The following CDH9 variants were observed in gnomAD, a reference collection of about 807,000 sequenced individuals.
CDH9 encodes cadherin-9.
Under a neutral mutation model 70.9 loss-of-function variants are expected in CDH9, and 28 were observed. That is an observed-to-expected ratio of 0.40 (90% confidence interval 0.29 to 0.54). CDH9 has a LOEUF of 0.54. Among genes scored for constraint, CDH9 ranks in the 20% least tolerant of loss-of-function variants. The pLI is 0.59. For missense variants in CDH9, 874 were observed against 984.4 expected (o/e 0.89, Z 1.50); for synonymous variants, 409 against 343.1 (o/e 1.19, Z -2.12).
rs1271292917 is a variant in CDH9, at chr5:26,885,978, C to A, written c.1618G>T (p.Val540Leu). 1 of 1,607,198 alleles carries A rather than the reference C, an allele frequency of 6.2e-7. No individual in the cohort carries two copies. ...AATTTTCTTATACCTTTATTATCTACAATGGTGAAATTCGGATTGAGAGTA... is the reference window on the plus strand; with the variant it reads ...AATTTTCTTATACCTTTATTATCTAAAATGGTGAAATTCGGATTGAGAGTA... ...EFTLNPNFTI[V>L]DNKDNTAGIM... is the part of the protein sequence containing the mutation. The change falls in exon 10 of 12, where the codon GTA becomes TTA. Residue 540 changes from valine (V) to leucine (L), a missense_variant. Transcript: ENST00000231021.
chr5:26,926,545 C>T (rs1378015590), intron 2 of CDH9, among the ~76,000 whole-genome samples: 1 of 151,904 alleles, frequency 6.6e-6, no homozygotes, highest in Non-Finnish European at 1.5e-5. Flanking sequence ...CAATGCCATC[C>T]CCATCAAGCT....
At chr5:26,933,040 AT>A (rs2112026040) in intron 2 of CDH9, among the ~76,000 whole-genome samples, 1 of 147,400 alleles carries the variant, frequency 6.8e-6, no homozygotes, top group South Asian at 2.1e-4. Flanking sequence ...TATTATTTAT[AT>A]TTTACTTAAA....
rs1191887960 is a variant in CDH9, at chr5:26,988,349, T to C, written c.-16A>G. On this transcript the variant is annotated 5_prime_UTR_variant, in exon 2 of 12. Coordinates refer to ENST00000231021, the MANE Select transcript of CDH9 (RefSeq NM_016279.4). ...AAGTCCTCATTATCTGCAACTTCAGTGGGTTGTCAAATTCAATGTATTGTT... is the reference window on the plus strand; with the variant it reads ...AAGTCCTCATTATCTGCAACTTCAGCGGGTTGTCAAATTCAATGTATTGTT... The C allele has an allele frequency of 1.2e-6, 2 of 1,604,348 alleles. No homozygotes were observed. Among genetic ancestry groups the C allele is most frequent in the African/African-American group, 2.7e-5 (2 of 74,636 alleles).
At chr5:26,896,935 G>A (rs1740762189) in intron 7 of CDH9, among the ~76,000 whole-genome samples, 1 of 151,796 alleles carries the variant, frequency 6.6e-6, no homozygotes, top group Non-Finnish European at 1.5e-5. Context: ...GACTAATAAA[G>A]AAGAAAAGAG....
intron 2 of CDH9, among the ~76,000 whole-genome samples, chr5:26,964,192 A>C (rs1479514001): frequency 6.6e-6 from 1 of 151,410 alleles, no homozygotes; most frequent in Admixed American, 6.6e-5. Flanking sequence ...TATGCTGATT[A>C]ATACACACAC....
chr5:26,938,385 A>T (rs1741598100), intron 2 of CDH9, among the ~76,000 whole-genome samples: 1 of 152,016 alleles, frequency 6.6e-6, no homozygotes, highest in Admixed American at 6.6e-5. Flanking sequence ...ATGCTTGTAT[A>T]TTCAAAAAAC....
intron 1 of CDH9, among the ~76,000 whole-genome samples, chr5:27,032,644 G>A (rs777397530): frequency 1.3e-4 from 19 of 151,534 alleles, no homozygotes; most frequent in Non-Finnish European, 1.9e-4. Flanking sequence ...AATCTAGAAG[G>A]AGTGGTAGTA....
chr5:27,036,853 A>G (rs962427016), intron 1 of CDH9, among the ~76,000 whole-genome samples: 9 of 151,980 alleles, frequency 5.9e-5, no homozygotes, highest in Admixed American at 1.3e-4. Context: ...AACCCATAAC[A>G]TATTTGGTGA....
chr5:26,999,772 T>C (rs553038045), intron 1 of CDH9, among the ~76,000 whole-genome samples: 4 of 152,156 alleles, frequency 2.6e-5, no homozygotes, highest in Admixed American at 1.3e-4. Flanking sequence ...AATTACAAAT[T>C]TTATTTTTTT....
intron 2 of CDH9, among the ~76,000 whole-genome samples, chr5:26,941,041 T>C (rs1233414045): frequency 2.0e-5 from 3 of 152,180 alleles, no homozygotes; most frequent in African/African-American, 7.2e-5. Flanking sequence ...AATGAGAAAA[T>C]GAATGAATGT....
chr5:26,882,331 T>A (rs919679322), intron 11 of CDH9, among the ~76,000 whole-genome samples: 3 of 152,102 alleles, frequency 2.0e-5, no homozygotes, highest in Middle Eastern at 3.2e-3. Context: ...TTCCTTGACA[T>A]ACAAGGTCCG....
chr5:26,930,886 T>C (rs1741451163), intron 2 of CDH9, among the ~76,000 whole-genome samples: 1 of 152,136 alleles, frequency 6.6e-6, no homozygotes. Context: ...TGTATTTCTT[T>C]GTTTATTTTA....
intron 1 of CDH9, among the ~76,000 whole-genome samples, chr5:27,032,846 A>G (rs1743332041): frequency 6.6e-6 from 1 of 151,482 alleles, no homozygotes; most frequent in African/African-American, 2.4e-5. Context: ...ATAATTAAAA[A>G]TTTCACCATA....
intron 2 of CDH9, among the ~76,000 whole-genome samples, chr5:26,955,300 G>T (rs996911843): frequency 3.9e-5 from 6 of 152,186 alleles, no homozygotes; most frequent in Non-Finnish European, 7.4e-5. Flanking sequence ...TACTGGTTCT[G>T]TAACAAGCAA....
chr5:26,894,776 T>C (rs1740720494), intron 7 of CDH9, among the ~76,000 whole-genome samples: 1 of 152,002 alleles, frequency 6.6e-6, no homozygotes, highest in Admixed American at 6.6e-5. Context: ...ATAACAACAA[T>C]ATTTTATTGG....
At chr5:26,989,516 C>CTCTG (rs1554002510) in intron 1 of CDH9, among the ~76,000 whole-genome samples, 1 of 151,328 alleles carries the variant, frequency 6.6e-6, no homozygotes, top group Non-Finnish European at 1.5e-5. Context: ...CTGTCTCTCT[C>CTCTG]TCTCTCTCTC....
chr5:26,905,600 C>A (rs951737741), intron 5 of CDH9, among the ~76,000 whole-genome samples: 2 of 152,008 alleles, frequency 1.3e-5, no homozygotes, highest in African/African-American at 4.8e-5. Flanking sequence ...TGAGAGCCCA[C>A]CCTCCTAACC....
chr5:27,000,379 A>G (rs540664308), intron 1 of CDH9, among the ~76,000 whole-genome samples: 1 of 152,282 alleles, frequency 6.6e-6, no homozygotes, highest in Non-Finnish European at 1.5e-5. Context: ...GCTGTCATAG[A>G]TATGGAGCAA....
At chr5:26,900,186 A>G (rs1740829417) in intron 7 of CDH9, among the ~76,000 whole-genome samples, 1 of 152,128 alleles carries the variant, frequency 6.6e-6, no homozygotes, top group African/African-American at 2.4e-5. Flanking sequence ...CTAGAGAAAT[A>G]AAATATGTAG....
Sources: allele counts gnomAD v4.1 joint callset (sites outside exome capture counted in the v4.1 genomes callset), GRCh38; gene constraint gnomAD v4.1.1; transcripts MANE v1.5; gene names NCBI Gene and HGNC (gene_info 2026-07-23, HGNC 2026-07-21).